Variants in ZNF704 observed in about 807,000 individuals in gnomAD.
ZNF704 encodes the protein zinc finger protein 704.
ZNF704 carries 10 observed loss-of-function variants against 44.7 expected under a neutral mutation model. The observed-to-expected ratio is 0.22, with a 90% confidence interval of 0.14 to 0.38. The LOEUF is 0.38. Among genes scored for constraint, ZNF704 ranks in the 10% least tolerant of loss-of-function variants. ZNF704 has a pLI of 1.00. For synonymous variants in ZNF704, 211 were observed against 207.6 expected, an observed-to-expected ratio of 1.02 and a Z score of -0.14; for missense variants, 390 against 545.5, an observed-to-expected ratio of 0.71 and a Z score of 2.84.
At chr8:80,760,641 C>T (rs1179935142) in intron 2 of ZNF704, among the ~76,000 whole-genome samples, 17 of 124,880 alleles carry the variant, frequency 1.4e-4, no homozygotes, top group African/African-American at 4.9e-4. Flanking sequence ...GGTGACAGAG[C>T]GAGACTCCAT....
At position 80,874,200 on chromosome 8, in the gene ZNF704, A is replaced by C. The variant is rs1809316398; in HGVS notation, c.-22+371T>G. Among the ~76,000 whole-genome samples the C allele has an allele frequency of 6.9e-6, 1 of 145,320 alleles. No homozygotes were observed. The highest frequency in any genetic ancestry group is 2.5e-5 in the African/African-American group (1 of 40,388). ...AGGACCCGCGGCTGCCACTGGCTGCAGAGGCGCGGGCGCCGCCTTCGCTGG... is the reference window on the plus strand; with the variant it reads ...AGGACCCGCGGCTGCCACTGGCTGCCGAGGCGCGGGCGCCGCCTTCGCTGG... On this transcript the variant is annotated intron_variant, in intron 1 of 8. Coordinates refer to ENST00000327835, the MANE Select transcript of ZNF704 (RefSeq NM_001033723.3). The surrounding 1 kb of genome is among the most constrained non-coding windows in gnomAD (Gnocchi z 4.4).
chr8:80,759,578 G>C (rs1240050111), intron 2 of ZNF704, among the ~76,000 whole-genome samples: 1 of 152,112 alleles, frequency 6.6e-6, no homozygotes, highest in East Asian at 1.9e-4. Context: ...GTCATGGTGG[G>C]GAGGCCCACA....
At chr8:80,858,593 C>T (rs1016651003) in intron 1 of ZNF704, among the ~76,000 whole-genome samples, 6 of 151,874 alleles carry the variant, frequency 4.0e-5, no homozygotes, top group East Asian at 1.9e-4. Flanking sequence ...ATTAGCCAAG[C>T]GTGGTAGTGC....
chr8:80,839,913 G>A (rs998113341), intron 1 of ZNF704, among the ~76,000 whole-genome samples: 7 of 152,098 alleles, frequency 4.6e-5, no homozygotes, highest in Admixed American at 3.3e-4. Context: ...GGTTCTGCTC[G>A]TCTGTTAGAA....
Position 80,636,035 on chromosome 8 carries a change from G to A in ZNF704, c.*5331C>T, listed in dbSNP as rs1025999523. The A allele has an allele frequency of 1.3e-5, 2 of 152,090 alleles. No individual in the cohort carries two copies. The highest frequency in any genetic ancestry group is 1.9e-4 in the East Asian group (1 of 5,204). 9.4% of individuals were successfully genotyped at this position (152,090 alleles called of 1,614,324 possible). ...AGGTCATTTCTCACAAAATGTCTGC[G>A]TTCTTTGTGATTACAAAACACTGCA... On this transcript the variant is annotated 3_prime_UTR_variant, in exon 9 of 9. Coordinates refer to ENST00000327835, the MANE Select transcript of ZNF704 (RefSeq NM_001033723.3).
chr8:80,746,371 A>G (rs1266165366), intron 2 of ZNF704, among the ~76,000 whole-genome samples: 3 of 152,210 alleles, frequency 2.0e-5, no homozygotes, highest in African/African-American at 7.2e-5. Flanking sequence ...ACCTGGGTTT[A>G]TGTCCTGGTC....
intron 4 of ZNF704, among the ~76,000 whole-genome samples, chr8:80,678,427 C>T (rs929534195): frequency 3.9e-5 from 6 of 152,164 alleles, no homozygotes; most frequent in African/African-American, 1.4e-4. Flanking sequence ...AGAGCTCTAC[C>T]TTCATAGTTT....
At chr8:80,729,157 A>G (rs73254821) in intron 2 of ZNF704, among the ~76,000 whole-genome samples, 26,395 of 152,116 alleles carry the variant, frequency 0.17, 4,675 homozygotes, top group African/African-American at 0.46. Flanking sequence ...GGAAGAAAAC[A>G]TAGGAACAGA....
At chr8:80,723,778 G>A (rs1028525449) in intron 2 of ZNF704, among the ~76,000 whole-genome samples, 3 of 152,200 alleles carry the variant, frequency 2.0e-5, no homozygotes, top group Non-Finnish European at 4.4e-5. Flanking sequence ...GAGGATTCAT[G>A]AGCAAAAAGT....
intron 1 of ZNF704, among the ~76,000 whole-genome samples, chr8:80,850,883 A>G (rs1301613314): frequency 1.3e-5 from 2 of 152,224 alleles, no homozygotes; most frequent in Non-Finnish European, 2.9e-5. Flanking sequence ...CAAACTGAGC[A>G]GGCTTGATTC....
At chr8:80,650,068 G>T (rs772745949) in intron 7 of ZNF704, among the ~76,000 whole-genome samples, 11 of 152,166 alleles carry the variant, frequency 7.2e-5, no homozygotes, top group Non-Finnish European at 1.0e-4. Context: ...GGAGTGGACC[G>T]CCAGCAAACT....
chr8:80,655,179 C>T (rs1292808975), intron 7 of ZNF704, among the ~76,000 whole-genome samples: 2 of 150,574 alleles, frequency 1.3e-5, no homozygotes, highest in Admixed American at 6.6e-5. Context: ...CATCACACAC[C>T]AGGGCCTGTT....
chr8:80,742,152 G>C (rs1366141565), intron 2 of ZNF704, among the ~76,000 whole-genome samples: 1 of 152,122 alleles, frequency 6.6e-6, no homozygotes, highest in Non-Finnish European at 1.5e-5. Context: ...GAAAGGAAAG[G>C]AAAGGGAAAT....
At chr8:80,659,938 T>C (rs1392081634) in intron 6 of ZNF704, among the ~76,000 whole-genome samples, 2 of 152,184 alleles carry the variant, frequency 1.3e-5, no homozygotes, top group Non-Finnish European at 2.9e-5. Context: ...TGAAAAGAAA[T>C]TTTATTATAT....
At chr8:80,781,696 C>T (rs982299842) in intron 2 of ZNF704, among the ~76,000 whole-genome samples, 1 of 152,200 alleles carries the variant, frequency 6.6e-6, no homozygotes, top group African/African-American at 2.4e-5. Context: ...TCTTCTAAAA[C>T]AGCAGCCCAT....
chr8:80,784,515 ATGT>A (rs1807583671), intron 2 of ZNF704, among the ~76,000 whole-genome samples: 1 of 152,194 alleles, frequency 6.6e-6, no homozygotes, highest in African/African-American at 2.4e-5. Context: ...ATAACATATG[ATGT>A]TGAACCTCTT....
chr8:80,710,808 A>G (rs1455010668), intron 2 of ZNF704, among the ~76,000 whole-genome samples: 1 of 152,166 alleles, frequency 6.6e-6, no homozygotes, highest in Non-Finnish European at 1.5e-5. Flanking sequence ...CAAGTCTGAT[A>G]TTTTGTTATA....
intron 1 of ZNF704, among the ~76,000 whole-genome samples, chr8:80,828,946 C>G (rs1362608321): frequency 6.6e-6 from 1 of 152,152 alleles, no homozygotes; most frequent in Non-Finnish European, 1.5e-5. Flanking sequence ...TCATCTTGGC[C>G]TCTCCTACCA....
chr8:80,720,229 T>G (rs1326469477), intron 2 of ZNF704, among the ~76,000 whole-genome samples: 4 of 152,182 alleles, frequency 2.6e-5, no homozygotes, highest in East Asian at 1.9e-4. Context: ...GTACGGAGAT[T>G]TATATCTCTG....
Sources: gnomAD v4.1 joint callset for allele counts (sites outside exome capture counted in the v4.1 genomes callset) on GRCh38, gnomAD v4.1.1 for gene constraint, Gnocchi (gnomAD v3.1) non-coding constraint, MANE v1.5 for transcripts, NCBI Gene and HGNC (gene_info 2026-07-23, HGNC 2026-07-21) for gene names.